Variants in FBXO7 observed in about 807,000 individuals in gnomAD.
The protein encoded by FBXO7 is F-box only protein 7.
In FBXO7, 31 loss-of-function variants were observed where a neutral mutation model predicts 50.2. The observed-to-expected ratio is 0.62, with a 90% CI of 0.46 to 0.83. FBXO7 has a LOEUF of 0.83. FBXO7 is among the 40% of genes least tolerant of loss of function. The pLI is 0.00. For missense variants in FBXO7, 667 were observed against 646.6 expected, an observed-to-expected ratio of 1.03 and a Z score of -0.34; for synonymous variants, 256 against 253.1, an observed-to-expected ratio of 1.01 and a Z score of -0.11.
In FBXO7 at chr22:32,484,013, A is replaced by G. The variant is rs1391152928; in HGVS notation, c.534A>G (p.Gln178=). The change falls in exon 3 of 9, where the codon CAA becomes CAG. Residue 178 remains glutamine, a synonymous_variant. Coordinates refer to ENST00000266087, the MANE Select transcript of FBXO7 (RefSeq NM_012179.4). ...PMLCSESVEG[Q]VPHSLETLYQ... Reference sequence around the variant, plus strand: ...TCTGTAGTGAATCGGTGGAAGGGCAAGTGCCACATTCATTAGAGACCTTGT... The same window carrying G: ...TCTGTAGTGAATCGGTGGAAGGGCAGGTGCCACATTCATTAGAGACCTTGT... The G allele has an allele frequency of 6.2e-6, 10 of 1,614,186 alleles. No homozygotes were observed. Among genetic ancestry groups the G allele is most frequent in the Admixed American group, 1.7e-5 (1 of 60,024 alleles).
chr22:32,493,228 C>T lies in FBXO7; in HGVS notation c.1091C>T (p.Thr364Ile), dbSNP rs1430861113. The T allele has an allele frequency of 1.2e-6, 2 of 1,614,026 alleles. No homozygotes were observed. Among genetic ancestry groups the T allele is most frequent in the African/African-American group, 1.3e-5 (1 of 74,932 alleles). ...TCTGCGGTTTGTCGTGACCTCTTTA[C>T]TGCTTCAAATGACCCACTCCTGTGG... The part of the protein sequence containing the change: ...SLSAVCRDLF[T>I]ASNDPLLWRF... Residue 364 changes from threonine to isoleucine, a missense_variant, in exon 7 of 9, where the codon ACT becomes ATT. By Grantham distance (89) the Thr-to-Ile change is moderately conservative (BLOSUM62 -1). Coordinates refer to ENST00000266087, the MANE Select transcript of FBXO7 (RefSeq NM_012179.4).
intron 2 of FBXO7, among the ~76,000 whole-genome samples, chr22:32,479,478 A>G (rs548747703): frequency 2.7e-5 from 4 of 150,840 alleles, no homozygotes; most frequent in African/African-American, 9.8e-5. Context: ...GCTCACTGCA[A>G]CCTCTGCCTC....
At chr22:32,478,299 A>G (rs570854040) in intron 1 of FBXO7, 1 of 152,712 alleles carries the variant, frequency 6.5e-6, no homozygotes, top group African/African-American at 2.4e-5. Context: ...TTTTAAAGGT[A>G]TTTCACTGAA....
At chr22:32,481,116 T>C (rs1199382281) in intron 2 of FBXO7, among the ~76,000 whole-genome samples, 1 of 152,214 alleles carries the variant, frequency 6.6e-6, no homozygotes, top group Non-Finnish European at 1.5e-5. Flanking sequence ...AGTATAAGTA[T>C]TCATGGTAAC....
intron 2 of FBXO7, among the ~76,000 whole-genome samples, chr22:32,482,371 A>G (rs2057470135): frequency 6.6e-6 from 1 of 152,156 alleles, no homozygotes; most frequent in Admixed American, 6.5e-5. Flanking sequence ...CCAACCTTTT[A>G]CATATACTGT....
At chr22:32,493,422 A>G (rs1952236217) in intron 7 of FBXO7, 141 bp downstream of exon 7, 4 of 735,160 alleles carry the variant, frequency 5.4e-6, no homozygotes, top group Non-Finnish European at 9.6e-6. Context: ...TCTAAGCTTC[A>G]TATACCTGTG....
At chr22:32,476,150 AT>A (rs1215279068) in intron 1 of FBXO7, among the ~76,000 whole-genome samples, 1 of 151,728 alleles carries the variant, frequency 6.6e-6, no homozygotes, top group Non-Finnish European at 1.5e-5. Flanking sequence ...TCGCCCTTTC[AT>A]TTTCCTGGTT....
intron 1 of FBXO7, among the ~76,000 whole-genome samples, chr22:32,478,482 C>G (rs1026192411): frequency 6.6e-6 from 1 of 152,156 alleles, no homozygotes; most frequent in Non-Finnish European, 1.5e-5. Flanking sequence ...ATTACTGTAT[C>G]CCGTCCCCCA....
chr22:32,495,679 CT>C, intron 8 of FBXO7, 149 bp downstream of exon 8: 1 of 450,180 alleles, frequency 2.2e-6, no homozygotes, highest in Non-Finnish European at 3.9e-6. Context: ...ATGTTTTCAA[CT>C]TTTACTTTAG....
intron 1 of FBXO7, among the ~76,000 whole-genome samples, chr22:32,476,604 A>C (rs1260002891): frequency 3.3e-5 from 5 of 152,212 alleles, no homozygotes; most frequent in Admixed American, 6.5e-5. Flanking sequence ...AAATATGTCC[A>C]TGTGATATTA....
In FBXO7 at chr22:32,485,162, C is replaced by T. The variant is rs780410402; in HGVS notation, c.740C>T (p.Ser247Phe). ...QYMHPLCEGS[S>F]ATLTCVPLGN... ...ATGCATCCTCTCTGCGAGGGCAGCT[C>T]CGCTACTCTCACCTGTGTGCCTTTG... The change falls in exon 4 of 9, where the codon TCC becomes TTC. Residue 247 changes from serine (S) to phenylalanine (F), a missense_variant. Physicochemically the swap from Ser to Phe is radical, Grantham distance 155 (BLOSUM62 -2). Transcript: ENST00000266087. 26 of 1,614,152 alleles carry T rather than the reference C, an allele frequency of 1.6e-5. No individual in the cohort carries two copies. In the South Asian group the frequency reaches 2.7e-4, roughly 17 times the overall value.
chr22:32,481,650 T>C (rs746785160), intron 2 of FBXO7, among the ~76,000 whole-genome samples: 2 of 152,136 alleles, frequency 1.3e-5, no homozygotes, highest in African/African-American at 2.4e-5. Flanking sequence ...AAAAGGAAAA[T>C]AGATGCGTAA....
At chr22:32,483,220 C>G (rs2145992287) in intron 2 of FBXO7, among the ~76,000 whole-genome samples, 1 of 152,304 alleles carries the variant, frequency 6.6e-6, no homozygotes, top group African/African-American at 2.4e-5. Context: ...TGTTATTAGA[C>G]TCCTCAGTGC....
intron 4 of FBXO7, among the ~76,000 whole-genome samples, chr22:32,486,873 A>G (rs974439142): frequency 2.0e-5 from 3 of 152,224 alleles, no homozygotes; most frequent in South Asian, 2.1e-4. Flanking sequence ...TCATTCTGCT[A>G]CATCACATCA....
intron 1 of FBXO7, among the ~76,000 whole-genome samples, chr22:32,476,905 G>A (rs534691086): frequency 6.6e-6 from 1 of 152,244 alleles, no homozygotes; most frequent in African/African-American, 2.4e-5. Flanking sequence ...TTTTTCTAAA[G>A]TGGGAGGAAG....
chr22:32,487,849 C>T, intron 5 of FBXO7, 21 bp downstream of exon 5: 1 of 1,453,814 alleles, frequency 6.9e-7, no homozygotes, highest in Non-Finnish European at 9.6e-7. Context: ...CATTATTTAA[C>T]TTTTGGGGTG....
At chr22:32,492,980 TTAAG>T in intron 6 of FBXO7, 121 bp from the exon 7 acceptor site, 1 of 922,024 alleles carries the variant, frequency 1.1e-6, no homozygotes, top group Non-Finnish European at 1.8e-6. Flanking sequence ...TTGGGGATAA[TTAAG>T]AGTACCATCT....
chr22:32,490,151 A>G (rs1479638584), intron 5 of FBXO7: 1 of 152,210 alleles, frequency 6.6e-6, no homozygotes, highest in Non-Finnish European at 1.5e-5. Context: ...ATGGGGAAGG[A>G]GCAAGCATAA....
At chr22:32,496,489 AAACAAAAAAAC>A (rs1306360721) in intron 8 of FBXO7, among the ~76,000 whole-genome samples, 3 of 152,134 alleles carry the variant, frequency 2.0e-5, no homozygotes, top group African/African-American at 7.2e-5. Flanking sequence ...CTCAAAAAAC[AAACAAAAAAAC>A]AACAAAAAAA....
Sources: allele counts gnomAD v4.1 joint callset (sites outside exome capture counted in the v4.1 genomes callset), GRCh38; gene constraint gnomAD v4.1.1; transcripts MANE v1.5; gene names NCBI Gene and HGNC (gene_info 2026-07-23, HGNC 2026-07-21).